Variants in SLC24A3 observed in about 807,000 individuals in gnomAD.
The protein encoded by SLC24A3 is solute carrier family 24 member 3.
In SLC24A3, 28 loss-of-function variants were observed where a neutral mutation model predicts 75.8. That is an observed-to-expected ratio of 0.37 (90% CI 0.27 to 0.51). The LOEUF is 0.51. Ranked by LOEUF, SLC24A3 falls within the 20% of genes least tolerant of loss-of-function variation. The pLI is 0.94. For synonymous variants in SLC24A3, 372 were observed against 334.1 expected, an observed-to-expected ratio of 1.11 and a Z score of -1.24; for missense variants, 663 against 847.8, an observed-to-expected ratio of 0.78 and a Z score of 2.71.
At position 19,258,255 on chromosome 20, in the gene SLC24A3, T is replaced by A. The variant is rs372737667; in HGVS notation, c.143-22704T>A. 1.1e-4 allele frequency among the ~76,000 whole-genome samples: 17 copies of A among 152,360 alleles called. 2 individuals are homozygous for A. The South Asian group carries it at 3.5e-3, about 32-fold the overall frequency. On this transcript the variant is annotated intron_variant, in intron 1 of 16. Coordinates refer to ENST00000328041, the MANE Select transcript of SLC24A3 (RefSeq NM_020689.4). ...GCTCTTCTTCCCACCCCATGAGCTC[T>A]TCTTCCCCATTCCAGGCTTTGGGCA...
intron 1 of SLC24A3, 117 bp from the exon 2 acceptor site, chr20:19,280,842 T>G: frequency 4.9e-6 from 7 of 1,425,980 alleles, no homozygotes; most frequent in Non-Finnish European, 5.7e-6. Flanking sequence ...GCAGAGTGGC[T>G]GGGGGTGCAG....
intron 2 of SLC24A3, among the ~76,000 whole-genome samples, chr20:19,289,360 T>C (rs573630857): frequency 6.6e-6 from 1 of 152,318 alleles, no homozygotes; most frequent in East Asian, 1.9e-4. Flanking sequence ...ACCACATGTC[T>C]AGTACTCATT....
At chr20:19,608,446 A>G (rs919411787) in intron 6 of SLC24A3, among the ~76,000 whole-genome samples, 3 of 152,234 alleles carry the variant, frequency 2.0e-5, no homozygotes, top group African/African-American at 7.2e-5. Flanking sequence ...ATTCTACAAC[A>G]TGAGTTAAAG....
At chr20:19,563,610 G>T (rs945879546) in intron 3 of SLC24A3, among the ~76,000 whole-genome samples, 10 of 152,146 alleles carry the variant, frequency 6.6e-5, no homozygotes, top group African/African-American at 2.4e-4. Flanking sequence ...GAGCCTGCTG[G>T]CGTCCTGTGT....
chr20:19,363,077 G>C (rs1407665409), intron 2 of SLC24A3, among the ~76,000 whole-genome samples: 1 of 152,172 alleles, frequency 6.6e-6, no homozygotes, highest in Non-Finnish European at 1.5e-5. Context: ...CCTGGCCTGT[G>C]AGCTCCCCAG....
intron 8 of SLC24A3, among the ~76,000 whole-genome samples, chr20:19,671,811 T>A (rs1568692393): frequency 1.3e-5 from 2 of 152,140 alleles, no homozygotes; most frequent in African/African-American, 2.4e-5. Flanking sequence ...CATTATCATG[T>A]ATTTGGTATT....
intron 6 of SLC24A3, among the ~76,000 whole-genome samples, chr20:19,594,024 G>A (rs932726958): frequency 5.9e-5 from 9 of 152,136 alleles, no homozygotes; most frequent in Admixed American, 5.2e-4. Context: ...TGCCCTTTCT[G>A]CACAGGCAGA....
chr20:19,261,243 G>A (rs1304042251), intron 1 of SLC24A3, among the ~76,000 whole-genome samples: 1 of 152,188 alleles, frequency 6.6e-6, no homozygotes, highest in Non-Finnish European at 1.5e-5. Flanking sequence ...TGACTGACAG[G>A]CTGTCCTGAT....
chr20:19,341,895 C>G (rs1985280804), intron 2 of SLC24A3, among the ~76,000 whole-genome samples: 1 of 152,158 alleles, frequency 6.6e-6, no homozygotes, highest in African/African-American at 2.4e-5. Context: ...GTCATTGTCT[C>G]TGTGTGTTTC....
intron 10 of SLC24A3, among the ~76,000 whole-genome samples, chr20:19,683,858 GT>G (rs2032642079): frequency 6.6e-6 from 1 of 152,168 alleles, no homozygotes; most frequent in Non-Finnish European, 1.5e-5. Context: ...TTTGACTCTT[GT>G]TCAAAATTTG....
At chr20:19,712,990 T>C (rs1261225221) in intron 15 of SLC24A3, among the ~76,000 whole-genome samples, 1 of 152,202 alleles carries the variant, frequency 6.6e-6, no homozygotes, top group Non-Finnish European at 1.5e-5. Context: ...CCTGAGAACT[T>C]TCTGGAATGA....
intron 2 of SLC24A3, among the ~76,000 whole-genome samples, chr20:19,439,840 T>C (rs1280599624): frequency 1.3e-5 from 2 of 152,178 alleles, no homozygotes; most frequent in African/African-American, 4.8e-5. Flanking sequence ...CGTTGTTAAC[T>C]CTTGCTGAGG....
At chr20:19,237,963 A>G (rs2122158496) in intron 1 of SLC24A3, among the ~76,000 whole-genome samples, 1 of 152,322 alleles carries the variant, frequency 6.6e-6, no homozygotes, top group Middle Eastern at 3.4e-3. Flanking sequence ...CCCAAATAGG[A>G]AGTGACAAAG....
chr20:19,559,400 C>T (rs2030838583), intron 3 of SLC24A3, among the ~76,000 whole-genome samples: 1 of 152,186 alleles, frequency 6.6e-6, no homozygotes, highest in Non-Finnish European at 1.5e-5. Flanking sequence ...TTCTCCCAGT[C>T]TATGGCCTGC....
chr20:19,410,055 A>G (rs1274522313), intron 2 of SLC24A3, among the ~76,000 whole-genome samples: 1 of 152,162 alleles, frequency 6.6e-6, no homozygotes, highest in Non-Finnish European at 1.5e-5. Context: ...GAATGCCAGA[A>G]TTCAGACGAA....
At chr20:19,552,170 A>G (rs563704822) in intron 3 of SLC24A3, among the ~76,000 whole-genome samples, 13 of 152,290 alleles carry the variant, frequency 8.5e-5, no homozygotes, top group African/African-American at 3.1e-4. Flanking sequence ...TGAAAATTGC[A>G]TGGGGCCCTC....
At chr20:19,263,485 G>A (rs1391336015) in intron 1 of SLC24A3, among the ~76,000 whole-genome samples, 1 of 152,202 alleles carries the variant, frequency 6.6e-6, no homozygotes, top group Non-Finnish European at 1.5e-5. Flanking sequence ...GAAATATAGG[G>A]GTTCACTAGG....
At chr20:19,569,736 T>C (rs1203466147) in intron 3 of SLC24A3, among the ~76,000 whole-genome samples, 2 of 152,128 alleles carry the variant, frequency 1.3e-5, no homozygotes, top group Non-Finnish European at 2.9e-5. Context: ...TGTGATCATC[T>C]ACATGCTCTT....
In SLC24A3 at chr20:19,614,846, G is replaced by A. The variant is rs528795454; in HGVS notation, c.612+29302G>A. ...GGTAATCAATAATGAGGCTGGATTAGAAGGAAGATGAATGATCCACTGGGT... is the reference window on the plus strand; with the variant it reads ...GGTAATCAATAATGAGGCTGGATTAAAAGGAAGATGAATGATCCACTGGGT... On this transcript the variant is annotated intron_variant, in intron 6 of 16. Coordinates refer to ENST00000328041, the MANE Select transcript of SLC24A3 (RefSeq NM_020689.4). 4.6e-5 allele frequency among the ~76,000 whole-genome samples: 7 copies of A among 152,338 alleles called. No homozygotes were observed. In the South Asian group the frequency reaches 6.2e-4, roughly 14 times the overall value.
Sources: gnomAD v4.1 joint callset for allele counts (sites outside exome capture counted in the v4.1 genomes callset) on GRCh38, gnomAD v4.1.1 for gene constraint, MANE v1.5 for transcripts, NCBI Gene and HGNC (gene_info 2026-07-23, HGNC 2026-07-21) for gene names.